Variants in NBEA observed in about 807,000 individuals in gnomAD.
The protein encoded by NBEA is neurobeachin.
In NBEA, 44 loss-of-function variants were observed where a neutral mutation model predicts 343.4. The observed-to-expected ratio is 0.13, with a 90% CI of 0.10 to 0.16. NBEA has a LOEUF of 0.16. Ranked by LOEUF, NBEA falls within the 10% of genes least tolerant of loss-of-function variation. The pLI, the probability that NBEA is intolerant of heterozygous loss-of-function variation, is 1.00. For synonymous variants in NBEA, 1,175 were observed against 1,238.7 expected, an observed-to-expected ratio of 0.95 and a Z score of 1.08; for missense variants, 2,555 against 3,631.3, an observed-to-expected ratio of 0.70 and a Z score of 7.62.
intron 40 of NBEA, among the ~76,000 whole-genome samples, chr13:35,455,084 A>G (rs1432260670): frequency 1.3e-5 from 2 of 152,014 alleles, no homozygotes; most frequent in African/African-American, 4.8e-5. Context: ...ATGTACTTTC[A>G]AATATATAAA....
chr13:35,297,825 A>C (rs908429309), intron 35 of NBEA, among the ~76,000 whole-genome samples: 7 of 151,904 alleles, frequency 4.6e-5, no homozygotes, highest in Admixed American at 3.9e-4. Flanking sequence ...TTTGTTATTT[A>C]TTTTTATTGT....
chr13:35,521,618 A>T (rs1414350585), intron 41 of NBEA, among the ~76,000 whole-genome samples: 1 of 152,156 alleles, frequency 6.6e-6, no homozygotes, highest in Non-Finnish European at 1.5e-5. Flanking sequence ...ATGTCCCTGG[A>T]TCTCCCCGCT....
At chr13:35,356,616 C>A (rs2040504237) in intron 38 of NBEA, among the ~76,000 whole-genome samples, 1 of 151,954 alleles carries the variant, frequency 6.6e-6, no homozygotes, top group Non-Finnish European at 1.5e-5. Flanking sequence ...ATTAGAGTGA[C>A]CGTTGATTTT....
At chr13:35,287,691 C>A (rs1352295691) in intron 34 of NBEA, among the ~76,000 whole-genome samples, 1 of 151,986 alleles carries the variant, frequency 6.6e-6, no homozygotes, top group Non-Finnish European at 1.5e-5. Context: ...TTGACCATTA[C>A]AACCCTTCTC....
At chr13:35,469,597 T>C (rs895850889) in intron 40 of NBEA, among the ~76,000 whole-genome samples, 1 of 152,228 alleles carries the variant, frequency 6.6e-6, no homozygotes, top group Admixed American at 6.5e-5. Flanking sequence ...GTCTTATCCA[T>C]TTGTTTAACA....
At chr13:35,419,399 C>A (rs753031906) in intron 38 of NBEA, among the ~76,000 whole-genome samples, 1 of 152,010 alleles carries the variant, frequency 6.6e-6, no homozygotes, top group Non-Finnish European at 1.5e-5. Flanking sequence ...CATTCACAAG[C>A]GCTTTTCTTT....
At position 35,235,919 on chromosome 13, in the gene NBEA, A is replaced by T. The variant is rs527655585; in HGVS notation, c.5776+3300A>T. On this transcript the variant is annotated intron_variant, in intron 34 of 58. Coordinates refer to ENST00000379939, the MANE Select transcript of NBEA (RefSeq NM_001385012.1). ...AACTATGCTAGAAATGAAATACTGG[A>T]ACGGGTTAGATATTAAAAAGTTCAT... Among the ~76,000 whole-genome samples the T allele has an allele frequency of 4.8e-3, 729 of 152,274 alleles. 8 individuals carry two copies. Among genetic ancestry groups the T allele is most frequent in the African/African-American group, 0.017 (705 of 41,560 alleles).
chr13:35,194,185 G>T (rs992022080), intron 30 of NBEA, among the ~76,000 whole-genome samples: 3 of 151,846 alleles, frequency 2.0e-5, no homozygotes, highest in African/African-American at 7.2e-5. Flanking sequence ...CCCAAGAATT[G>T]AGTCTGTTAC....
At chr13:35,125,627 T>C (rs1163484917) in intron 17 of NBEA, among the ~76,000 whole-genome samples, 3 of 152,136 alleles carry the variant, frequency 2.0e-5, no homozygotes, top group Non-Finnish European at 2.9e-5. Context: ...CATGGAAGTG[T>C]CCTGCAGACA....
intron 10 of NBEA, among the ~76,000 whole-genome samples, chr13:35,083,872 A>T (rs535489180): frequency 1.1e-3 from 166 of 152,266 alleles, no homozygotes; most frequent in Admixed American, 5.4e-3. Flanking sequence ...AAATAAAGGG[A>T]TGGAGGAAGA....
At chr13:34,993,389 G>A (rs927149462) in intron 1 of NBEA, among the ~76,000 whole-genome samples, 1 of 152,162 alleles carries the variant, frequency 6.6e-6, no homozygotes, top group Non-Finnish European at 1.5e-5. Flanking sequence ...AATGTAAGAT[G>A]TATAATGCAG....
intron 10 of NBEA, among the ~76,000 whole-genome samples, chr13:35,075,698 A>G (rs979662527): frequency 2.9e-5 from 3 of 104,742 alleles, no homozygotes; most frequent in Non-Finnish European, 4.6e-5. Flanking sequence ...TAATTAATCA[A>G]AGTTATTCCA....
intron 41 of NBEA, among the ~76,000 whole-genome samples, chr13:35,505,288 A>G (rs935662358): frequency 6.6e-6 from 1 of 152,178 alleles, no homozygotes; most frequent in Non-Finnish European, 1.5e-5. Flanking sequence ...TAAATAGCTA[A>G]CTATTATTTC....
chr13:35,202,788 A>AT (rs1249399624), intron 31 of NBEA, among the ~76,000 whole-genome samples: 4 of 152,142 alleles, frequency 2.6e-5, no homozygotes, highest in African/African-American at 7.2e-5. Context: ...TATTTGGATG[A>AT]TTAAAAAGAG....
chr13:35,457,423 G>A (rs1380449775), intron 40 of NBEA, among the ~76,000 whole-genome samples: 2 of 152,020 alleles, frequency 1.3e-5, no homozygotes, highest in African/African-American at 2.4e-5. Flanking sequence ...GTTATCATTT[G>A]CCTTTCTTCA....
In NBEA at chr13:35,512,275, G is replaced by T. The variant is rs567058390; in HGVS notation, c.6586-38202G>T. On this transcript the variant is annotated intron_variant, in intron 41 of 58. Transcript: ENST00000379939. ...TTTTGAGGATTACCTGATGGTTGAA[G>T]GGTTCATTCATTCCTAAATATTCTG... 2.0e-5 allele frequency among the ~76,000 whole-genome samples: 3 copies of T among 152,280 alleles called. No homozygotes were observed. The South Asian group carries it at 6.2e-4, about 32-fold the overall frequency.
At chr13:35,219,205 C>A (rs1352242409) in intron 33 of NBEA, among the ~76,000 whole-genome samples, 1 of 151,952 alleles carries the variant, frequency 6.6e-6, no homozygotes, top group Non-Finnish European at 1.5e-5. Context: ...TCCTGCCTTG[C>A]CTTCCTTGCC....
At chr13:35,139,165 ACT>A (rs1448944670) in intron 17 of NBEA, among the ~76,000 whole-genome samples, 1 of 140,352 alleles carries the variant, frequency 7.1e-6, no homozygotes, top group East Asian at 2.1e-4. Context: ...TGCTCAATTG[ACT>A]CTCCCACCTC....
intron 38 of NBEA, among the ~76,000 whole-genome samples, chr13:35,367,900 T>G (rs757600950): frequency 1.5e-4 from 22 of 151,646 alleles, no homozygotes; most frequent in Non-Finnish European, 2.8e-4. Context: ...TAAGTTAACA[T>G]GCATACGAAG....
Sources: gnomAD v4.1 joint callset for allele counts (sites outside exome capture counted in the v4.1 genomes callset) on GRCh38, gnomAD v4.1.1 for gene constraint, MANE v1.5 for transcripts, NCBI Gene and HGNC (gene_info 2026-07-23, HGNC 2026-07-21) for gene names.